Variants in TUBGCP5 observed in about 807,000 individuals in gnomAD.
TUBGCP5 encodes gamma-tubulin complex component 5.
Under a neutral mutation model 134.7 loss-of-function variants are expected in TUBGCP5, and 98 were observed. That is an observed-to-expected ratio of 0.73 (90% CI 0.62 to 0.86). TUBGCP5 has a LOEUF of 0.86. Ranked by LOEUF, TUBGCP5 falls within the 40% of genes least tolerant of loss-of-function variation. The pLI, the probability that TUBGCP5 is intolerant of heterozygous loss-of-function variation, is 0.00. For synonymous variants in TUBGCP5, 456 were observed against 431.4 expected, an observed-to-expected ratio of 1.06 and a Z score of -0.71; for missense variants, 1,150 against 1,244.8, an observed-to-expected ratio of 0.92 and a Z score of 1.15.
intron 11 of TUBGCP5, among the ~76,000 whole-genome samples, chr15:23,019,943 T>C (rs2065572328): frequency 6.6e-6 from 1 of 151,304 alleles, no homozygotes; most frequent in African/African-American, 2.4e-5. Flanking sequence ...GCGAACAAGG[T>C]TTCCCTATCT....
At chr15:22,988,010 C>T (rs1484527113) in intron 23 of TUBGCP5, among the ~76,000 whole-genome samples, 1 of 151,664 alleles carries the variant, frequency 6.6e-6, no homozygotes, top group Admixed American at 6.6e-5. Context: ...TGGGACCTCA[C>T]CAGACACCCA....
At chr15:23,038,311 C>T (rs1488829382) in intron 1 of TUBGCP5, among the ~76,000 whole-genome samples, 3 of 152,088 alleles carry the variant, frequency 2.0e-5, no homozygotes, top group Non-Finnish European at 4.4e-5. Context: ...TAATTTAGTT[C>T]CTGAAATCTG....
At chr15:22,998,552 G>A (rs552649279), downstream of TUBGCP5, among the ~76,000 whole-genome samples, 25 of 152,092 alleles carry the variant, frequency 1.6e-4, no homozygotes, top group African/African-American at 6.0e-4. Flanking sequence ...TTGACCTCCC[G>A]GTCTCAATCG....
chr15:22,986,833 G>A (rs541393554), intron 23 of TUBGCP5, among the ~76,000 whole-genome samples: 62 of 152,240 alleles, frequency 4.1e-4, no homozygotes, highest in African/African-American at 1.3e-3. Flanking sequence ...GAAAAGAGGC[G>A]TGTAGGAAAC....
chr15:23,016,189 A>G (rs1224700298), intron 13 of TUBGCP5, among the ~76,000 whole-genome samples: 1 of 152,232 alleles, frequency 6.6e-6, no homozygotes, highest in Non-Finnish European at 1.5e-5. Context: ...CAAATTTTAC[A>G]GTGAAAGAAT....
rs1350629896 is a variant in TUBGCP5 at position 23,026,302 on chromosome 15, G to A, written c.738-97C>T. The A allele has an allele frequency of 2.9e-6, 3 of 1,022,638 alleles. No individual in the cohort carries two copies. In the Admixed American group the frequency reaches 5.4e-5, roughly 19 times the overall value. 63.3% of individuals were successfully genotyped at this position (1,022,638 alleles called of 1,614,324 possible). A position where few individuals can be genotyped will look rare whatever the true frequency, so the allele number is the denominator to read the frequency against. On this transcript the variant is annotated intron_variant, in intron 7 of 22. Coordinates refer to ENST00000615383, the MANE Select transcript of TUBGCP5 (RefSeq NM_052903.6). ...CTGCAATTTAGTGCTAACTTAAGTA[G>A]CAATCAACTAACAAGTATACATAAT...
chr15:23,020,540 C>T (rs1287865713), intron 11 of TUBGCP5, among the ~76,000 whole-genome samples: 2 of 132,504 alleles, frequency 1.5e-5, no homozygotes, highest in African/African-American at 5.9e-5. Context: ...GAGCCAAGAT[C>T]GTGCGACTGC....
At chr15:23,000,458 G>A in intron 22 of TUBGCP5, 111 bp downstream of exon 22, 1 of 1,505,414 alleles carries the variant, frequency 6.6e-7, no homozygotes, top group Admixed American at 2.4e-5. Context: ...TTTCAGTTTT[G>A]AAAATGGTGA....
chr15:23,032,331 G>A (rs1331097459), intron 4 of TUBGCP5, among the ~76,000 whole-genome samples: 4 of 152,110 alleles, frequency 2.6e-5, no homozygotes, highest in Non-Finnish European at 4.4e-5. Context: ...CAATGCTCAA[G>A]GCTGACAGAA....
At chr15:23,020,736 T>C (rs2065636036) in intron 11 of TUBGCP5, among the ~76,000 whole-genome samples, 1 of 152,186 alleles carries the variant, frequency 6.6e-6, no homozygotes, top group Non-Finnish European at 1.5e-5. Flanking sequence ...AGATTTTTAT[T>C]TTTAAATCTA....
chr15:23,022,045 T>A lies in TUBGCP5; in HGVS notation c.1285A>T (p.Asn429Tyr), dbSNP rs202052408. The change falls in exon 11 of 23, where the codon AAT (asparagine) becomes TAT (tyrosine). Residue 429 changes from asparagine (N) to tyrosine (Y), a missense_variant. Physicochemically the swap from Asn to Tyr is moderately radical, Grantham distance 143. Coordinates refer to ENST00000615383, the MANE Select transcript of TUBGCP5 (RefSeq NM_052903.6). ...AGCAGGTGAGAGGCCCGGACGACAT[T>A]TCGAGTATCAGGTGGAACTTCTGCT... ...GVAEVPPDTR[N>Y]VVRASHLLNT... 11 of 1,614,146 alleles carry A rather than the reference T, an allele frequency of 6.8e-6. No individual in the cohort carries two copies. The East Asian group carries it at 2.5e-4, about 36-fold the overall frequency.
At chr15:23,020,584 C>CAAAAAAAAAAAAAAAAAAAAA (rs542905350) in intron 11 of TUBGCP5, among the ~76,000 whole-genome samples, 1 of 76,242 alleles carries the variant, frequency 1.3e-5, no homozygotes, top group Non-Finnish European at 2.5e-5. Flanking sequence ...GACTACGTCT[C>CAAAAAAAAAAAAAAAAAAAAA]AAAAAAAAAA....
Position 23,008,812 on chromosome 15 carries a change from G to C in TUBGCP5, c.2214C>G (p.Phe738Leu), listed in dbSNP as rs768632467. Residue 738 changes from phenylalanine (F) to leucine (L), a missense_variant, in exon 16 of 23, where the codon TTC (phenylalanine) becomes TTG (leucine). Transcript: ENST00000615383. Reference sequence around the variant, plus strand: ...TTATTTTATCAAAAATTGACGTGTAGAAGTCATACATGGTATCTCCTCCTT... The same window carrying C: ...TTATTTTATCAAAAATTGACGTGTACAAGTCATACATGGTATCTCCTCCTT... ...LMEGGDTMYDFYTSIFDKIRE... is the reference protein window; with the variant it reads ...LMEGGDTMYDLYTSIFDKIRE... The C allele has an allele frequency of 6.2e-7, 1 of 1,602,140 alleles. No individual in the cohort carries two copies. The highest frequency in any genetic ancestry group is 8.5e-7 in the Non-Finnish European group (1 of 1,177,300).
intron 13 of TUBGCP5, among the ~76,000 whole-genome samples, chr15:23,014,267 G>A (rs2065195300): frequency 6.6e-6 from 1 of 152,222 alleles, no homozygotes; most frequent in South Asian, 2.1e-4. Context: ...TCAGCATTCA[G>A]GGTCTGAGAA....
rs368597495 is a variant in TUBGCP5, at chr15:23,009,787, A to G, written c.2144+158T>C. On this transcript the variant is annotated intron_variant, in intron 15 of 22. Coordinates refer to ENST00000615383, the MANE Select transcript of TUBGCP5 (RefSeq NM_052903.6). The stretch of plus-strand genomic sequence containing the variant: ...AGAATTAAGTTTCAAAACATAGTTA[A>G]GAAAATATTGATGGTCAATTGATTT... Among the ~76,000 whole-genome samples the G allele has an allele frequency of 6.6e-5, 10 of 152,346 alleles. No homozygotes were observed. The East Asian group carries it at 9.6e-4, about 15-fold the overall frequency.
chr15:22,995,674 C>T (rs1046530747), downstream of TUBGCP5, among the ~76,000 whole-genome samples: 1 of 152,096 alleles, frequency 6.6e-6, no homozygotes, highest in Non-Finnish European at 1.5e-5. Flanking sequence ...TGCTCCACAC[C>T]CAGCCCCACA....
At chr15:23,000,925 C>A (rs1478448110) in intron 21 of TUBGCP5, among the ~76,000 whole-genome samples, 1 of 151,988 alleles carries the variant, frequency 6.6e-6, no homozygotes, top group Non-Finnish European at 1.5e-5. Flanking sequence ...CTAGGAGGAC[C>A]AAAGATACTC....
intron 16 of TUBGCP5, among the ~76,000 whole-genome samples, chr15:23,008,133 G>C (rs1007677733): frequency 6.6e-6 from 1 of 151,962 alleles, no homozygotes; most frequent in African/African-American, 2.4e-5. Flanking sequence ...AAACTCCTAA[G>C]CTCAAGCAAT....
At chr15:23,036,101 C>G (rs113891241) in intron 3 of TUBGCP5, among the ~76,000 whole-genome samples, 1 of 152,140 alleles carries the variant, frequency 6.6e-6, no homozygotes, top group Admixed American at 6.5e-5. Flanking sequence ...CCACCGTGTT[C>G]AGGGAACCCA....
Sources: gnomAD v4.1 joint callset for allele counts (sites outside exome capture counted in the v4.1 genomes callset) on GRCh38, gnomAD v4.1.1 for gene constraint, MANE v1.5 for transcripts, NCBI Gene and HGNC (gene_info 2026-07-23, HGNC 2026-07-21) for gene names.